Variants in MPP7 observed in about 807,000 individuals in gnomAD.
The protein encoded by MPP7 is MAGUK p55 subfamily member 7.
A neutral mutation model predicts 76.5 loss-of-function variants in MPP7; 60 were observed. The observed-to-expected ratio is 0.78, with a 90% CI of 0.64 to 0.97. The LOEUF (loss-of-function observed/expected upper bound fraction) is 0.97. MPP7 is among the 50% of genes least tolerant of loss of function. The probability of loss-of-function intolerance (pLI) is 0.00; values close to 1 mark genes in which losing one functional copy is unlikely to be tolerated. For synonymous variants in MPP7, 237 were observed against 244.5 expected (o/e 0.97, Z 0.29); for missense variants, 641 against 694.0 (o/e 0.92, Z 0.86).
chr10:28,244,442 G>A (rs1839367464), intron 1 of MPP7, among the ~76,000 whole-genome samples: 1 of 152,048 alleles, frequency 6.6e-6, no homozygotes, highest in Admixed American at 6.5e-5. Context: ...AACTGGCCAA[G>A]TATTAGGATG....
At chr10:28,268,776 A>AGGCGTGGT (rs1840227148) in intron 1 of MPP7, among the ~76,000 whole-genome samples, 1 of 151,060 alleles carries the variant, frequency 6.6e-6, no homozygotes, top group Non-Finnish European at 1.5e-5. Context: ...GGGGCTAATC[A>AGGCGTGGT]GGCGTGGTGG....
rs188001288 is a variant in MPP7 at position 28,063,910 on chromosome 10, A to G, written c.1205-4167T>C. On this transcript the variant is annotated intron_variant, in intron 13 of 16. Transcript: ENST00000683449. Reference sequence around the variant, plus strand: ...TGAGATACCACTACGTACTTACTACATTGACAAAAGTTTAGAAGACTGACT... The same window carrying G: ...TGAGATACCACTACGTACTTACTACGTTGACAAAAGTTTAGAAGACTGACT... Among the ~76,000 whole-genome samples, 3 of 152,324 alleles carry G rather than the reference A, an allele frequency of 2.0e-5. No individual in the cohort carries two copies. The East Asian group carries it at 5.8e-4, about 29-fold the overall frequency.
At chr10:28,201,311 T>C (rs1837763715) in intron 3 of MPP7, among the ~76,000 whole-genome samples, 1 of 152,132 alleles carries the variant, frequency 6.6e-6, no homozygotes, top group Non-Finnish European at 1.5e-5. Flanking sequence ...TCTATATCAA[T>C]TAAAAGCCTC....
Position 28,334,018 on chromosome 10 carries a change from C to A in MPP7, c.-206+400G>T, listed in dbSNP as rs554312443. Among the ~76,000 whole-genome samples the A allele has an allele frequency of 2.6e-4, 40 of 152,150 alleles. No homozygotes were observed. The South Asian group carries it at 6.6e-3, about 25-fold the overall frequency. On this transcript the variant is annotated intron_variant, in intron 1 of 11. Coordinates refer to the MPP7 transcript ENST00000441595. ...GATCAGCCTGGCCAACATAGTGAAACCTTGTCTCTAGTAAAACAAAAAATA... is the reference window on the plus strand; with the variant it reads ...GATCAGCCTGGCCAACATAGTGAAAACTTGTCTCTAGTAAAACAAAAAATA...
intron 11 of MPP7, among the ~76,000 whole-genome samples, chr10:28,102,293 C>A (rs1049727013): frequency 3.3e-5 from 5 of 152,128 alleles, no homozygotes; most frequent in Non-Finnish European, 5.9e-5. Flanking sequence ...CAGGTGTGCA[C>A]CACTGCGCTT....
At chr10:28,245,778 C>G (rs1356697645) in intron 1 of MPP7, among the ~76,000 whole-genome samples, 1 of 151,082 alleles carries the variant, frequency 6.6e-6, no homozygotes, top group Non-Finnish European at 1.5e-5. Context: ...ACAACAGAAT[C>G]AGAGAAACAG....
chr10:28,059,608 TA>T, intron 14 of MPP7, 41 bp downstream of exon 14: 1 of 1,370,890 alleles, frequency 7.3e-7, no homozygotes, highest in Non-Finnish European at 1.0e-6. Flanking sequence ...CATGTGCTTA[TA>T]AAAAACAGTC....
intron 2 of MPP7, among the ~76,000 whole-genome samples, chr10:28,230,096 G>C (rs1212719025): frequency 6.6e-6 from 1 of 152,050 alleles, no homozygotes; most frequent in African/African-American, 2.4e-5. Context: ...AAGGATTCAA[G>C]TAGTAATTTT....
chr10:28,140,318 C>T (rs1835474352), intron 5 of MPP7, among the ~76,000 whole-genome samples: 1 of 152,126 alleles, frequency 6.6e-6, no homozygotes, highest in Non-Finnish European at 1.5e-5. Flanking sequence ...CGACACCAGC[C>T]TGGCCAAAAT....
chr10:28,156,152 C>T (rs1463932505), intron 3 of MPP7, among the ~76,000 whole-genome samples: 9 of 152,200 alleles, frequency 5.9e-5, no homozygotes, highest in African/African-American at 9.7e-5. Context: ...CCCAATTCCG[C>T]CCCTTACTTA....
intron 3 of MPP7, among the ~76,000 whole-genome samples, chr10:28,155,422 T>C (rs1564663462): frequency 6.6e-6 from 1 of 151,740 alleles, no homozygotes; most frequent in Admixed American, 6.6e-5. Flanking sequence ...AAACCCCAAC[T>C]CTACAAAAAA....
At chr10:28,227,801 A>C (rs1320330577) in intron 2 of MPP7, among the ~76,000 whole-genome samples, 2 of 152,232 alleles carry the variant, frequency 1.3e-5, no homozygotes, top group Admixed American at 6.5e-5. Context: ...GTATCTTTAT[A>C]ACAGAATGAC....
intron 12 of MPP7, among the ~76,000 whole-genome samples, chr10:28,074,759 C>T (rs1852408485): frequency 2.0e-5 from 3 of 152,314 alleles, no homozygotes; most frequent in South Asian, 4.1e-4. Flanking sequence ...ACAATAAAAG[C>T]TCCACATTTC....
At chr10:28,099,511 T>C (rs1853716139) in intron 11 of MPP7, among the ~76,000 whole-genome samples, 1 of 152,166 alleles carries the variant, frequency 6.6e-6, no homozygotes, top group Non-Finnish European at 1.5e-5. Context: ...ACTCTAAAGT[T>C]CCTAAGGTTT....
At chr10:28,292,499 T>G (rs1473158075) in intron 1 of MPP7, among the ~76,000 whole-genome samples, 3 of 151,700 alleles carry the variant, frequency 2.0e-5, no homozygotes, top group Non-Finnish European at 4.4e-5. Context: ...TTAATACCAC[T>G]GATAAGTGGT....
At chr10:28,085,833 C>T (rs1005508091) in intron 12 of MPP7, among the ~76,000 whole-genome samples, 11 of 152,084 alleles carry the variant, frequency 7.2e-5, no homozygotes, top group Admixed American at 7.2e-4. Flanking sequence ...AAAAAAAAGG[C>T]TTTAGGATTC....
intron 2 of MPP7, among the ~76,000 whole-genome samples, chr10:28,312,624 AT>A (rs948328277): frequency 2.0e-5 from 3 of 152,240 alleles, no homozygotes; most frequent in African/African-American, 7.2e-5. Context: ...AACACGTATA[AT>A]TGGAATAAGC....
intron 3 of MPP7, among the ~76,000 whole-genome samples, chr10:28,156,868 A>AC (rs1225258482): frequency 6.6e-6 from 1 of 152,206 alleles, no homozygotes; most frequent in African/African-American, 2.4e-5. Context: ...ACAGAATGAA[A>AC]CCCTCACACA....
At chr10:28,131,731 A>AAG in intron 5 of MPP7, 40 bp from the exon 6 acceptor site, 2 of 1,109,164 alleles carry the variant, frequency 1.8e-6, no homozygotes, top group Non-Finnish European at 2.4e-6. Context: ...GTAAATATAC[A>AAG]TACTTATATA....
Sources: allele counts gnomAD v4.1 joint callset (sites outside exome capture counted in the v4.1 genomes callset), GRCh38; gene constraint gnomAD v4.1.1; transcripts MANE v1.5; gene names NCBI Gene and HGNC (gene_info 2026-07-23, HGNC 2026-07-21).